Variants in DNAH1 observed in about 807,000 individuals in gnomAD.
The protein encoded by DNAH1 is dynein axonemal heavy chain 1.
A neutral mutation model predicts 484.3 loss-of-function variants in DNAH1; 327 were observed. That is an observed-to-expected ratio of 0.68 (90% CI 0.62 to 0.74). DNAH1 has a LOEUF of 0.74. DNAH1 is among the 30% of genes least tolerant of loss of function. The pLI, the probability that DNAH1 is intolerant of heterozygous loss-of-function variation, is 0.00. For synonymous variants in DNAH1, 2,192 were observed against 2,191.9 expected (o/e 1.00, Z 0.00); for missense variants, 5,052 against 5,546.8 (o/e 0.91, Z 2.83).
intron 52 of DNAH1, 25 bp downstream of exon 52, chr3:52,384,056 C>T (rs761468465): frequency 2.6e-6 from 4 of 1,560,910 alleles, no homozygotes; most frequent in Non-Finnish European, 3.5e-6. Flanking sequence ...GAAGCTCAGG[C>T]CCTTGGGGAG....
At chr3:52,329,974 A>C (rs1249038547) in intron 6 of DNAH1, among the ~76,000 whole-genome samples, 1 of 152,130 alleles carries the variant, frequency 6.6e-6, no homozygotes, top group Non-Finnish European at 1.5e-5. Context: ...ACTCCCAGCT[A>C]ATTTTTTTGT....
chr3:52,356,549 G>A lies in DNAH1; in HGVS notation c.3694-65G>A, dbSNP rs139983583. The stretch of plus-strand genomic sequence containing the variant: ...GTGGGGTGAAATGTCCCAGTCATTG[G>A]GACAAACCCCAGCTTGGACCCTGAC... On this transcript the variant is annotated intron_variant, in intron 21 of 77. Coordinates refer to ENST00000420323, the MANE Select transcript of DNAH1 (RefSeq NM_015512.5). The A allele has an allele frequency of 1.2e-5, 19 of 1,558,890 alleles. No individual in the cohort carries two copies. The African/African-American group carries it at 2.6e-4, about 21-fold the overall frequency.
rs1704432793 is a variant in DNAH1 at position 52,392,514 on chromosome 3, A to C, written c.10103A>C (p.Asp3368Ala). 2 of 1,613,896 alleles carry C rather than the reference A, an allele frequency of 1.2e-6. No individual in the cohort carries two copies. Among genetic ancestry groups the C allele is most frequent in the Non-Finnish European group, 1.7e-6 (2 of 1,179,872 alleles). The change falls in exon 64 of 78, where the codon GAC becomes GCC. Residue 3368 changes from aspartate (D) to alanine (A), a missense_variant. Coordinates refer to ENST00000420323, the MANE Select transcript of DNAH1 (RefSeq NM_015512.5). The stretch of plus-strand genomic sequence containing the variant: ...CAGGTAGTGGCAGAGGAGCGACCCG[A>C]CCTGGAGGAGGCCAAGAACCAGCTG... ...LGQVVAEERP[D>A]LEEAKNQLII...
Position 52,368,726 on chromosome 3 carries a change from T to C in DNAH1, c.5766-15T>C, listed in dbSNP as rs751739774. On this transcript the variant is annotated splice_polypyrimidine_tract_variant and intron_variant, in intron 36 of 77. Transcript: ENST00000420323. This position sits in a 1 kb window ranked among gnomAD's most constrained non-coding sequence, Gnocchi z 4.4. ...CTCCCTGATGTTTCCAGCCCTCTCC[T>C]CCCTGGCGCTGCAGGACAGACGGGA... is the stretch of plus-strand genomic sequence containing the variant. 2 of 1,606,920 alleles carry C rather than the reference T, an allele frequency of 1.2e-6. No homozygotes were observed. Among genetic ancestry groups the C allele is most frequent in the African/African-American group, 1.3e-5 (1 of 74,906 alleles).
intron 65 of DNAH1, 34 bp from the exon 66 acceptor site, chr3:52,393,300 C>G: frequency 1.2e-6 from 2 of 1,610,494 alleles, no homozygotes; most frequent in Non-Finnish European, 1.7e-6. Context: ...TTCCTCTCAC[C>G]TCTCCGCGCT....
At chr3:52,330,350 G>GT (rs1701497994) in intron 6 of DNAH1, among the ~76,000 whole-genome samples, 1 of 152,200 alleles carries the variant, frequency 6.6e-6, no homozygotes, top group Non-Finnish European at 1.5e-5. Context: ...TTTCGGCACT[G>GT]TGAGGAACAG....
chr3:52,374,898 A>G, intron 44 of DNAH1: 1 of 1,005,106 alleles, frequency 9.9e-7, no homozygotes, highest in Non-Finnish European at 1.5e-6. Flanking sequence ...ACTAAAAACG[A>G]GAGTGACATG....
rs1432127353 is a variant in DNAH1 at position 52,349,246 on chromosome 3, C to T, written c.2352C>T (p.Leu784=). Residue 784 remains leucine (L), a synonymous_variant, in exon 14 of 78, where the codon CTC becomes CTT. Transcript: ENST00000420323. ...LLAQEVREVV[L]THLREKEILD... is the part of the protein sequence containing the mutation. ...CCCAGGAGGTGCGGGAGGTAGTGCT[C>T]ACCCACCTGCGGGAGAAGGAGATCC... The T allele has an allele frequency of 3.1e-6, 5 of 1,613,800 alleles. No individual in the cohort carries two copies. The highest frequency in any genetic ancestry group is 1.7e-5 in the Admixed American group (1 of 60,000).
intron 54 of DNAH1, among the ~76,000 whole-genome samples, chr3:52,385,719 C>T (rs575041916): frequency 1.6e-4 from 24 of 152,388 alleles, no homozygotes; most frequent in African/African-American, 5.0e-4. Flanking sequence ...CTGCCCAGCA[C>T]AGGGCCCCAT....
In DNAH1 at chr3:52,381,935, C is replaced by A. The variant is rs1703867867; in HGVS notation, c.7805+99C>A. The A allele has an allele frequency of 2.3e-6, 3 of 1,304,006 alleles. No homozygotes were observed. The African/African-American group carries it at 4.4e-5, about 19-fold the overall frequency. 80.8% of individuals were successfully genotyped at this position (1,304,006 alleles called of 1,614,324 possible). ...GCACAGTGGTAGAGGCCTCGGGCAA[C>A]CCTGAAGTAGGCCCGTGCAGCCTAC... On this transcript the variant is annotated intron_variant, in intron 49 of 77. Coordinates refer to ENST00000420323, the MANE Select transcript of DNAH1 (RefSeq NM_015512.5). This position sits in a 1 kb window ranked among gnomAD's most constrained non-coding sequence, Gnocchi z 4.1.
In DNAH1 at chr3:52,350,572, C is replaced by G. The variant is rs1438665384; in HGVS notation, c.2711C>G (p.Ser904Ter). Residue 904 changes from serine (S) to a stop codon, truncating the protein, a stop_gained, in exon 16 of 78, where the codon TCA becomes TGA. Coordinates refer to ENST00000420323, the MANE Select transcript of DNAH1 (RefSeq NM_015512.5). LOFTEE classifies it high-confidence loss of function. ...VMDEFLYNLS[S>*]DDFNDKWIAS... The stretch of plus-strand genomic sequence containing the variant: ...GATGAATTCCTCTACAACCTCAGCT[C>G]AGATGACTTCAATGACAAGTGAGTG... The G allele has an allele frequency of 5.0e-6, 8 of 1,613,724 alleles. No individual in the cohort carries two copies. The highest frequency in any genetic ancestry group is 6.8e-6 in the Non-Finnish European group (8 of 1,179,808).
chr3:52,346,870 T>A, intron 11 of DNAH1, 100 bp downstream of exon 11: 2 of 1,322,214 alleles, frequency 1.5e-6, no homozygotes, highest in Non-Finnish European at 2.1e-6. Context: ...TGCCCATCCA[T>A]GCCAGGTCCC....
chr3:52,378,509 G>T, intron 46 of DNAH1, 93 bp from the exon 47 acceptor site: 2 of 1,361,920 alleles, frequency 1.5e-6, no homozygotes, highest in South Asian at 1.3e-5. Context: ...TTGGTGGGGG[G>T]CACAGCACAG....
chr3:52,357,349 C>T (rs902218048), intron 22 of DNAH1, among the ~76,000 whole-genome samples: 2 of 152,138 alleles, frequency 1.3e-5, no homozygotes, highest in Non-Finnish European at 2.9e-5. Context: ...CCACCATGCC[C>T]GGCCCATATT....
chr3:52,365,985 G>A (rs1413092616), intron 34 of DNAH1, among the ~76,000 whole-genome samples: 5 of 152,194 alleles, frequency 3.3e-5, no homozygotes, highest in Non-Finnish European at 7.3e-5. Context: ...ACCCTTCTTG[G>A]GCCAAAGTGA....
intron 10 of DNAH1, 138 bp from the exon 11 acceptor site, chr3:52,346,334 G>A: frequency 1.1e-6 from 1 of 907,038 alleles, no homozygotes; most frequent in Non-Finnish European, 1.6e-6. Flanking sequence ...TTGGCAGTAA[G>A]TTGGGGTAGG....
Position 52,368,606 on chromosome 3 carries a change from A to G in DNAH1, c.5766-135A>G, listed in dbSNP as rs1703181484. 2 of 954,270 alleles carry G rather than the reference A, an allele frequency of 2.1e-6. No homozygotes were observed. Among genetic ancestry groups the G allele is most frequent in the Non-Finnish European group, 3.1e-6 (2 of 645,812 alleles). 59.1% of individuals were successfully genotyped at this position (954,270 alleles called of 1,614,324 possible). A position where few individuals can be genotyped will look rare whatever the true frequency, so the allele number is the denominator to read the frequency against. ...CCAAAAAAATCCCACTTTTCCTATT[A>G]TAATTTTTAAAAGAACAAAGAGATT... On this transcript the variant is annotated intron_variant, in intron 36 of 77. Transcript: ENST00000420323. The surrounding 1 kb of genome is among the most constrained non-coding windows in gnomAD (Gnocchi z 4.4).
chr3:52,381,067 TC>T lies in DNAH1; in HGVS notation c.7609-567del, dbSNP rs1559553535. ...TCTATGTGTTTAACAATATGCTTGA[TC>T]CCCCCGTGGGTTTTATTTTTGCTTT... On this transcript the variant is annotated intron_variant, in intron 48 of 77. Coordinates refer to ENST00000420323, the MANE Select transcript of DNAH1 (RefSeq NM_015512.5). The surrounding 1 kb of genome is among the most constrained non-coding windows in gnomAD (Gnocchi z 4.1). 6.6e-6 allele frequency among the ~76,000 whole-genome samples: 1 copy of T among 152,058 alleles called. No individual in the cohort carries two copies. Among genetic ancestry groups the T allele is most frequent in the Non-Finnish European group, 1.5e-5 (1 of 68,004 alleles).
Position 52,370,552 on chromosome 3 carries a change from A to G in DNAH1, c.6334A>G (p.Ile2112Val), listed in dbSNP as rs752868731. The part of the protein sequence containing the change: ...LIEPWFIFSL[I>V]WSVGATGDSS... ...CGAGCCCTGGTTCATCTTCTCCCTG[A>G]TCTGGAGCGTGGGTGCCACTGGGGA... Residue 2112 changes from isoleucine (I) to valine (V), a missense_variant, in exon 40 of 78, where the codon ATC becomes GTC. By Grantham distance (29) the Ile-to-Val change is conservative. Transcript: ENST00000420323. 6.2e-7 allele frequency: 1 copy of G among 1,613,920 alleles called. No homozygotes were observed. Among genetic ancestry groups the G allele is most frequent in the Non-Finnish European group, 8.5e-7 (1 of 1,179,884 alleles).
Sources: allele counts gnomAD v4.1 joint callset (sites outside exome capture counted in the v4.1 genomes callset), GRCh38; gene constraint gnomAD v4.1.1; non-coding constraint Gnocchi (gnomAD v3.1); transcripts MANE v1.5; gene names NCBI Gene and HGNC (gene_info 2026-07-23, HGNC 2026-07-21).